The following CNTNAP5 variants were observed in gnomAD, a reference collection of about 807,000 sequenced individuals.
The protein encoded by CNTNAP5 is contactin associated protein family member 5, also known as contactin-associated protein-like 5.
A neutral mutation model predicts 150.2 loss-of-function variants in CNTNAP5; 72 were observed. That is an observed-to-expected ratio of 0.48 (90% CI 0.40 to 0.58). The LOEUF is 0.58. CNTNAP5 is among the 20% of genes least tolerant of loss of function. The probability of loss-of-function intolerance (pLI) is 0.00; values close to 1 mark genes in which losing one functional copy is unlikely to be tolerated. For synonymous variants in CNTNAP5, 672 were observed against 619.8 expected (o/e 1.08, Z -1.25); for missense variants, 1,636 against 1,626.2 (o/e 1.01, Z -0.10).
chr2:124,464,078 C>CT (rs1693318298), intron 6 of CNTNAP5, among the ~76,000 whole-genome samples: 1 of 152,066 alleles, frequency 6.6e-6, no homozygotes, highest in Admixed American at 6.6e-5. Context: ...TAAAACAATA[C>CT]TTTGAGAGAG....
intron 6 of CNTNAP5, among the ~76,000 whole-genome samples, chr2:124,471,357 G>A (rs955185568): frequency 6.6e-6 from 1 of 151,942 alleles, no homozygotes; most frequent in African/African-American, 2.4e-5. Flanking sequence ...TTATGATTTG[G>A]CTCTTGGCTT....
chr2:124,363,748 G>T (rs749410704), intron 3 of CNTNAP5, among the ~76,000 whole-genome samples: 7 of 152,192 alleles, frequency 4.6e-5, no homozygotes, highest in Non-Finnish European at 8.8e-5. Context: ...ACCTTCGGAA[G>T]TAGGTGGATA....
At chr2:124,450,556 CAAAAAAAAAAAAA>C (rs11299541) in intron 6 of CNTNAP5, among the ~76,000 whole-genome samples, 5 of 65,000 alleles carry the variant, frequency 7.7e-5, no homozygotes, top group African/African-American at 2.5e-4. Context: ...AATCTGCTGT[CAAAAAAAAAAAAA>C]AAAAAAAAAA....
At position 124,204,312 on chromosome 2, in the gene CNTNAP5, G is replaced by T. The variant is rs184772817; in HGVS notation, c.83-17393G>T. ...CTTCATCTGAGACCACCTCAGCCTG[G>T]ACTTTAATGTCCATATCACCATCAG... On this transcript the variant is annotated intron_variant, in intron 1 of 23. Coordinates refer to ENST00000682447, the MANE Select transcript of CNTNAP5 (RefSeq NM_001367498.1). Among the ~76,000 whole-genome samples, 189 of 152,246 alleles carry T rather than the reference G, an allele frequency of 1.2e-3. 1 individual carries two copies. Among genetic ancestry groups the T allele is most frequent in the Admixed American group, 9.2e-3 (141 of 15,292 alleles).
chr2:124,555,802 T>G (rs1003103323), intron 10 of CNTNAP5, among the ~76,000 whole-genome samples: 4 of 152,166 alleles, frequency 2.6e-5, no homozygotes, highest in Non-Finnish European at 5.9e-5. Context: ...TTAATCTATT[T>G]TAAAGATTTC....
intron 3 of CNTNAP5, among the ~76,000 whole-genome samples, chr2:124,301,250 G>T (rs531396478): frequency 6.6e-6 from 1 of 152,114 alleles, no homozygotes; most frequent in Non-Finnish European, 1.5e-5. Flanking sequence ...TCCAAAAACC[G>T]GACAGCAGTG....
intron 1 of CNTNAP5, among the ~76,000 whole-genome samples, chr2:124,061,093 T>C (rs911708533): frequency 2.0e-5 from 3 of 152,046 alleles, no homozygotes; most frequent in Non-Finnish European, 2.9e-5. Context: ...TAGAAATGCA[T>C]GTTCCTGAAG....
At chr2:124,117,873 C>A (rs1177812406) in intron 1 of CNTNAP5, among the ~76,000 whole-genome samples, 2 of 152,134 alleles carry the variant, frequency 1.3e-5, no homozygotes, top group Non-Finnish European at 2.9e-5. Context: ...TGCTTGAGCC[C>A]AGGAGCTCAA....
In CNTNAP5 at chr2:124,288,408, C is replaced by T. The variant is rs142150949; in HGVS notation, c.381+46015C>T. Among the ~76,000 whole-genome samples the T allele has an allele frequency of 5.7e-4, 87 of 152,302 alleles. No homozygotes were observed. The East Asian group carries it at 0.015, about 26-fold the overall frequency. Reference sequence around the variant, plus strand: ...TATTGAAAACTCTATACATGGGGCACTGTGTTGAGACCCAGGAATTGAAAG... The same window carrying T: ...TATTGAAAACTCTATACATGGGGCATTGTGTTGAGACCCAGGAATTGAAAG... On this transcript the variant is annotated intron_variant, in intron 3 of 23. Transcript: ENST00000682447.
intron 6 of CNTNAP5, among the ~76,000 whole-genome samples, chr2:124,473,966 T>C (rs1693580099): frequency 6.6e-6 from 1 of 152,080 alleles, no homozygotes; most frequent in African/African-American, 2.4e-5. Context: ...CAAATGTAAT[T>C]GCGGTTTTTG....
chr2:124,763,822 C>T (rs779416417), intron 15 of CNTNAP5, 23 bp downstream of exon 15: 14 of 1,612,406 alleles, frequency 8.7e-6, no homozygotes, highest in Non-Finnish European at 6.8e-6. Flanking sequence ...TCGAAAGAAG[C>T]TTTCTCTCTG....
At chr2:124,117,025 GA>G (rs1341617496) in intron 1 of CNTNAP5, among the ~76,000 whole-genome samples, 1 of 152,210 alleles carries the variant, frequency 6.6e-6, no homozygotes, top group African/African-American at 2.4e-5. Context: ...CTTGAAATGT[GA>G]GACAGCACTG....
intron 12 of CNTNAP5, among the ~76,000 whole-genome samples, chr2:124,635,269 CTT>C (rs1403893576): frequency 6.6e-6 from 1 of 152,070 alleles, no homozygotes; most frequent in African/African-American, 2.4e-5. Flanking sequence ...AGGCTACACA[CTT>C]TTAAACAACC....
intron 11 of CNTNAP5, among the ~76,000 whole-genome samples, chr2:124,601,700 C>G (rs140508862): frequency 6.8e-6 from 1 of 146,464 alleles, no homozygotes; most frequent in Non-Finnish European, 1.5e-5. Context: ...AGGAAAAAAA[C>G]CAATCTTCTA....
intron 1 of CNTNAP5, among the ~76,000 whole-genome samples, chr2:124,125,687 A>G (rs1370414015): frequency 1.3e-5 from 2 of 152,168 alleles, no homozygotes; most frequent in East Asian, 3.9e-4. Context: ...AGTAAATGTA[A>G]AAGAACAGAA....
At chr2:124,355,150 T>A (rs1689965290) in intron 3 of CNTNAP5, among the ~76,000 whole-genome samples, 1 of 151,900 alleles carries the variant, frequency 6.6e-6, no homozygotes, top group Admixed American at 6.6e-5. Context: ...TTTCAAAAAT[T>A]AAATATAGAT....
chr2:124,711,665 AAAAC>A (rs981726360), intron 13 of CNTNAP5, among the ~76,000 whole-genome samples: 1 of 152,080 alleles, frequency 6.6e-6, no homozygotes, highest in East Asian at 1.9e-4. Context: ...GTCTCTACTA[AAAAC>A]AAACAAACAA....
intron 3 of CNTNAP5, among the ~76,000 whole-genome samples, chr2:124,397,903 C>T (rs1691297208): frequency 6.6e-6 from 1 of 152,134 alleles, no homozygotes; most frequent in Admixed American, 6.5e-5. Context: ...TTTGTAGAGC[C>T]ACCAGCAAAA....
intron 3 of CNTNAP5, among the ~76,000 whole-genome samples, chr2:124,279,295 C>T (rs146139047): frequency 6.6e-6 from 1 of 151,582 alleles, no homozygotes; most frequent in Admixed American, 6.6e-5. Flanking sequence ...AGCCTGTCTT[C>T]CTATGTGTAG....
Sources: gnomAD v4.1 joint callset for allele counts (sites outside exome capture counted in the v4.1 genomes callset) on GRCh38, gnomAD v4.1.1 for gene constraint, MANE v1.5 for transcripts, NCBI Gene and HGNC (gene_info 2026-07-23, HGNC 2026-07-21) for gene names.